Variants in PBX4 observed in about 807,000 individuals in gnomAD.
PBX4 encodes the protein pre-B-cell leukemia transcription factor 4.
PBX4 carries 26 observed loss-of-function variants against 35.1 expected under a neutral mutation model. The ratio of observed to expected loss-of-function variants is 0.74; its 90% CI spans 0.54 to 1.03. The LOEUF is 1.03. Ranked by LOEUF, PBX4 falls within the 50% of genes least tolerant of loss-of-function variation. The pLI, the probability that PBX4 is intolerant of heterozygous loss-of-function variation, is 0.00. For missense variants in PBX4, 448 were observed against 504.3 expected (o/e 0.89, Z 1.07); for synonymous variants, 199 against 204.2 (o/e 0.97, Z 0.22).
intron 1 of PBX4, 73 bp from the exon 2 acceptor site, chr19:19,599,438 C>T (rs1302515069): frequency 3.0e-6 from 4 of 1,348,620 alleles, no homozygotes; most frequent in Non-Finnish European, 3.2e-6. Context: ...TAAAGATCTT[C>T]CATACTGAGA....
intron 3 of PBX4, 119 bp from the exon 4 acceptor site, chr19:19,570,418 C>T: frequency 1.4e-6 from 2 of 1,433,464 alleles, no homozygotes; most frequent in African/African-American, 1.4e-5. Context: ...CGGCGGGTGA[C>T]TGTTAAGTAA....
intron 2 of PBX4, among the ~76,000 whole-genome samples, chr19:19,594,742 G>A (rs150376135): frequency 6.6e-6 from 1 of 150,916 alleles, no homozygotes; most frequent in Non-Finnish European, 1.5e-5. Context: ...TTTTTTTTTA[G>A]ACAGGGTCTC....
intron 2 of PBX4, among the ~76,000 whole-genome samples, chr19:19,584,348 T>C (rs1424947398): frequency 2.0e-5 from 3 of 152,134 alleles, no homozygotes; most frequent in African/African-American, 7.2e-5. Context: ...CTGGAGATAT[T>C]TTAAAGCCAC....
chr19:19,606,357 G>A (rs2061631164), intron 1 of PBX4: 1 of 152,344 alleles, frequency 6.6e-6, no homozygotes, highest in Non-Finnish European at 1.5e-5. Flanking sequence ...AAGAAAGCAG[G>A]GACCTTTGTG....
rs137928032 is a variant in PBX4, at chr19:19,580,161, G to A, written c.194-9328C>T. Among the ~76,000 whole-genome samples the A allele has an allele frequency of 3.2e-3, 484 of 152,326 alleles. 1 individual carries two copies. Among genetic ancestry groups the A allele is most frequent in the Middle Eastern group, 0.024 (7 of 294 alleles). On this transcript the variant is annotated intron_variant, in intron 2 of 7. Coordinates refer to ENST00000251203, the MANE Select transcript of PBX4 (RefSeq NM_025245.3). ...GGCGCAGGCGCAGACAAGCATGTCC[G>A]CCTGCCCTCGGGCCCACCCACCGTG...
chr19:19,564,879 T>C, intron 6 of PBX4, 54 bp downstream of exon 6: 1 of 1,608,782 alleles, frequency 6.2e-7, no homozygotes, highest in South Asian at 1.1e-5. Flanking sequence ...CAGATGCAGC[T>C]CAGTGGCCGT....
chr19:19,611,916 A>C (rs2061664827), intron 1 of PBX4, among the ~76,000 whole-genome samples: 1 of 151,698 alleles, frequency 6.6e-6, no homozygotes, highest in Admixed American at 6.6e-5. Flanking sequence ...GCAGGAGGAC[A>C]GCTTGAGCCC....
At chr19:19,588,721 A>G (rs530777240) in intron 2 of PBX4, among the ~76,000 whole-genome samples, 48 of 152,220 alleles carry the variant, frequency 3.2e-4, no homozygotes, top group Non-Finnish European at 5.1e-4. Flanking sequence ...GGAGGTAACC[A>G]GCCTAGCAAC....
intron 4 of PBX4, 53 bp from the exon 5 acceptor site, chr19:19,569,637 C>T (rs1319612872): frequency 6.3e-7 from 1 of 1,587,630 alleles, no homozygotes. Context: ...TCCAGTACCA[C>T]CCCCACCTCT....
At chr19:19,616,316 A>C (rs1345397156) in intron 1 of PBX4, among the ~76,000 whole-genome samples, 1 of 152,162 alleles carries the variant, frequency 6.6e-6, no homozygotes, top group South Asian at 2.1e-4. Flanking sequence ...ATTGTTATCC[A>C]GATGACAAAA....
chr19:19,575,064 C>T (rs1350246329), intron 2 of PBX4, among the ~76,000 whole-genome samples: 2 of 151,622 alleles, frequency 1.3e-5, no homozygotes, highest in Non-Finnish European at 2.9e-5. Flanking sequence ...AACCCCGTCT[C>T]TAATAAAAAT....
At chr19:19,610,697 G>A (rs1479044045) in intron 1 of PBX4, among the ~76,000 whole-genome samples, 1 of 152,080 alleles carries the variant, frequency 6.6e-6, no homozygotes, top group Non-Finnish European at 1.5e-5. Flanking sequence ...GGAGGTTGCA[G>A]TGAGCCGAGA....
intron 2 of PBX4, among the ~76,000 whole-genome samples, chr19:19,590,529 C>T (rs552052120): frequency 2.7e-5 from 4 of 149,590 alleles, no homozygotes; most frequent in East Asian, 3.9e-4. Flanking sequence ...AGTACAGTGG[C>T]GTGATCTCCG....
intron 6 of PBX4, 36 bp downstream of exon 6, chr19:19,564,897 G>T: frequency 1.2e-6 from 2 of 1,613,768 alleles, no homozygotes; most frequent in Non-Finnish European, 1.7e-6. Context: ...CGTCCACATG[G>T]GTACAGATGA....
chr19:19,612,707 A>G (rs2061669032), intron 1 of PBX4, among the ~76,000 whole-genome samples: 1 of 152,136 alleles, frequency 6.6e-6, no homozygotes, highest in Non-Finnish European at 1.5e-5. Context: ...GGGAGATTTG[A>G]AGCTTCAAAG....
At chr19:19,573,779 G>A (rs1215133524) in intron 2 of PBX4, among the ~76,000 whole-genome samples, 1 of 151,818 alleles carries the variant, frequency 6.6e-6, no homozygotes, top group African/African-American at 2.4e-5. Context: ...TCCCAGGCTG[G>A]AGTGCAATAG....
intron 2 of PBX4, among the ~76,000 whole-genome samples, chr19:19,580,774 G>A (rs2061448976): frequency 6.6e-6 from 1 of 152,166 alleles, no homozygotes; most frequent in Admixed American, 6.5e-5. Flanking sequence ...ACCAGCTACT[G>A]GGGAGGTCAC....
intron 2 of PBX4, among the ~76,000 whole-genome samples, chr19:19,577,589 G>T (rs1378173363): frequency 6.6e-6 from 1 of 152,080 alleles, no homozygotes; most frequent in African/African-American, 2.4e-5. Flanking sequence ...ATTTTTGGCC[G>T]GGCTTGGTGG....
chr19:19,564,363 G>A (rs1052592815), intron 6 of PBX4, among the ~76,000 whole-genome samples: 2 of 151,676 alleles, frequency 1.3e-5, no homozygotes, highest in Admixed American at 6.6e-5. Context: ...TGGTGTATAT[G>A]TGCCACATTT....
Sources: gnomAD v4.1 joint callset for allele counts (sites outside exome capture counted in the v4.1 genomes callset) on GRCh38, gnomAD v4.1.1 for gene constraint, MANE v1.5 for transcripts, NCBI Gene and HGNC (gene_info 2026-07-23, HGNC 2026-07-21) for gene names.